ECT2: variants seen among roughly 807,000 people sequenced by gnomAD.
ECT2 encodes the protein epithelial cell transforming 2.
A neutral mutation model predicts 116.9 loss-of-function variants in ECT2; 61 were observed. That is an observed-to-expected ratio of 0.52 (90% CI 0.42 to 0.65). The LOEUF (loss-of-function observed/expected upper bound fraction) is 0.65. Among genes scored for constraint, ECT2 ranks in the 30% least tolerant of loss-of-function variants. The pLI is 0.00. For synonymous variants in ECT2, 358 were observed against 346.4 expected (o/e 1.03, Z -0.37); for missense variants, 937 against 1,078.7 (o/e 0.87, Z 1.84).
intron 14 of ECT2, among the ~76,000 whole-genome samples, chr3:172,781,263 A>G (rs1722646916): frequency 6.6e-6 from 1 of 152,332 alleles, no homozygotes; most frequent in Admixed American, 6.5e-5. Flanking sequence ...TGTCTGGCTT[A>G]ATAGAAGACT....
intron 14 of ECT2, among the ~76,000 whole-genome samples, chr3:172,780,423 C>T (rs1037825117): frequency 4.6e-5 from 7 of 152,062 alleles, no homozygotes; most frequent in Non-Finnish European, 1.0e-4. Flanking sequence ...GTGTGCAGAT[C>T]CATGTGGACA....
chr3:172,770,257 G>C (rs924255429), intron 13 of ECT2, among the ~76,000 whole-genome samples: 1 of 152,060 alleles, frequency 6.6e-6, no homozygotes, highest in African/African-American at 2.4e-5. Context: ...AATCCCTTTG[G>C]CATATACTAT....
At chr3:172,794,880 A>C (rs73175007) in intron 18 of ECT2, among the ~76,000 whole-genome samples, 4,033 of 151,542 alleles carry the variant, frequency 0.027, 86 homozygotes, top group Non-Finnish European at 0.041. Context: ...ACACCTGGCT[A>C]ATTTTTTTTT....
At chr3:172,813,542 C>T (rs141442237) in intron 22 of ECT2, among the ~76,000 whole-genome samples, 2,333 of 152,148 alleles carry the variant, frequency 0.015, 26 homozygotes, top group Non-Finnish European at 0.021. Flanking sequence ...TATACAAAGA[C>T]ATATACTTTC....
intron 22 of ECT2, among the ~76,000 whole-genome samples, chr3:172,814,477 T>A (rs1560028512): frequency 1.3e-5 from 2 of 152,148 alleles, no homozygotes; most frequent in Non-Finnish European, 2.9e-5. Context: ...AATTTGGCTA[T>A]TCATAGCCTA....
chr3:172,807,476 T>C (rs1261045391), intron 21 of ECT2, among the ~76,000 whole-genome samples: 1 of 152,208 alleles, frequency 6.6e-6, no homozygotes, highest in Non-Finnish European at 1.5e-5. Flanking sequence ...GCAACTTTTG[T>C]AACACTTAAT....
In ECT2 at chr3:172,784,809, T is replaced by C. The variant is rs771857513; in HGVS notation, c.1825+6T>C. 3 of 1,530,166 alleles carry C rather than the reference T, an allele frequency of 2.0e-6. No individual in the cohort carries two copies. The highest frequency in any genetic ancestry group is 2.4e-5 in the South Asian group (2 of 84,624). 94.8% of individuals were successfully genotyped at this position (1,530,166 alleles called of 1,614,324 possible). On this transcript the variant is annotated splice_donor_region_variant and intron_variant, in intron 17 of 24. Transcript: ENST00000392692. ...TGTTGCATTACTTTTAAATGGTACTTGTCTGATCTGTTTCAAACTACATCA... is the reference window on the plus strand; with the variant it reads ...TGTTGCATTACTTTTAAATGGTACTCGTCTGATCTGTTTCAAACTACATCA...
chr3:172,824,329 A>G (rs928629415), downstream of ECT2, among the ~76,000 whole-genome samples: 6 of 152,162 alleles, frequency 3.9e-5, no homozygotes, highest in Non-Finnish European at 7.4e-5. Flanking sequence ...GAAATTTACA[A>G]TCATGGCAGA....
At chr3:172,757,214 TGAA>T in intron 5 of ECT2, 49 bp downstream of exon 5, 3 of 1,325,316 alleles carry the variant, frequency 2.3e-6, no homozygotes, top group Non-Finnish European at 3.0e-6. Flanking sequence ...TTTTTATTAA[TGAA>T]TTTTAATTAG....
At chr3:172,765,841 A>G (rs1033186264) in intron 12 of ECT2, among the ~76,000 whole-genome samples, 1 of 152,078 alleles carries the variant, frequency 6.6e-6, no homozygotes, top group African/African-American at 2.4e-5. Flanking sequence ...CAGTCATACC[A>G]TCTTTGTTAT....
intron 18 of ECT2, among the ~76,000 whole-genome samples, chr3:172,797,115 C>T (rs534855535): frequency 1.1e-3 from 166 of 151,524 alleles, no homozygotes; most frequent in Non-Finnish European, 1.9e-3. Flanking sequence ...CTGCAACCTC[C>T]ACTTCCCAGG....
rs747553106 is a variant in ECT2, at chr3:172,754,526, A to G, written c.-5A>G. On this transcript the variant is annotated 5_prime_UTR_variant, in exon 2 of 25. Transcript: ENST00000392692. ...TTTTTCAGCTGATTTAGAAGAATAC[A>G]AATCATGGCTGAAAATAGTGTATTA... 2 of 1,590,006 alleles carry G rather than the reference A, an allele frequency of 1.3e-6. No individual in the cohort carries two copies. Among genetic ancestry groups the G allele is most frequent in the Non-Finnish European group, 1.7e-6 (2 of 1,171,508 alleles).
intron 18 of ECT2, among the ~76,000 whole-genome samples, chr3:172,794,845 G>T (rs1351963692): frequency 6.6e-6 from 1 of 151,998 alleles, no homozygotes; most frequent in South Asian, 2.1e-4. Flanking sequence ...CTCCCGAGTA[G>T]CTGGGACTAC....
chr3:172,815,726 A>T lies in ECT2; in HGVS notation c.2508+15A>T, dbSNP rs201379813. 21 of 1,482,932 alleles carry T rather than the reference A, an allele frequency of 1.4e-5. No homozygotes were observed. Among genetic ancestry groups the T allele is most frequent in the Admixed American group, 1.8e-5 (1 of 55,944 alleles). 91.9% of individuals were successfully genotyped at this position (1,482,932 alleles called of 1,614,324 possible). On this transcript the variant is annotated intron_variant, in intron 23 of 24. Coordinates refer to ENST00000392692, the MANE Select transcript of ECT2 (RefSeq NM_001258315.2). Reference sequence around the variant, plus strand: ...CTTCAAAAAAGGTGAGTTTTAGTGAAAGTATTATTTAGCACATCTCTAACA... The same window carrying T: ...CTTCAAAAAAGGTGAGTTTTAGTGATAGTATTATTTAGCACATCTCTAACA...
At chr3:172,819,875 C>G (rs1332179132) in intron 24 of ECT2, among the ~76,000 whole-genome samples, 1 of 152,088 alleles carries the variant, frequency 6.6e-6, no homozygotes, top group Non-Finnish European at 1.5e-5. Context: ...TTAGGTATCA[C>G]TACTAGCAAT....
At position 172,757,156 on chromosome 3, in the gene ECT2, A is replaced by G. The variant is rs1474821558; in HGVS notation, c.477A>G (p.Gln159=). The change falls in exon 5 of 25, where the codon CAA becomes CAG. Residue 159 remains glutamine, a synonymous_variant. Coordinates refer to ENST00000392692, the MANE Select transcript of ECT2 (RefSeq NM_001258315.2). ...IGPPVVLNCS[Q]KGEPLPFSCR... The stretch of plus-strand genomic sequence containing the variant: ...CACCAGTTGTATTAAATTGTTCACA[A>G]AAAGGAGAGGTAAGCATATACATTT... The G allele has an allele frequency of 1.3e-6, 2 of 1,499,504 alleles. No individual in the cohort carries two copies. Among genetic ancestry groups the G allele is most frequent in the Non-Finnish European group, 8.9e-7 (1 of 1,128,824 alleles). 92.9% of individuals were successfully genotyped at this position (1,499,504 alleles called of 1,614,324 possible).
chr3:172,787,412 C>G (rs1723803130), intron 18 of ECT2, among the ~76,000 whole-genome samples: 2 of 152,072 alleles, frequency 1.3e-5, no homozygotes, highest in Non-Finnish European at 2.9e-5. Flanking sequence ...GCTTTTGTTG[C>G]TGCTGAATGG....
intron 13 of ECT2, among the ~76,000 whole-genome samples, chr3:172,770,565 T>C (rs4894595): frequency 0.58 from 88,173 of 151,884 alleles, 26,346 homozygotes; most frequent in East Asian, 0.86. Flanking sequence ...GTCTCAAACT[T>C]CTGTGCTCAA....
chr3:172,786,468 T>G (rs763585414), intron 17 of ECT2, 25 bp from the exon 18 acceptor site: 64 of 1,507,950 alleles, frequency 4.2e-5, no homozygotes, highest in Non-Finnish European at 5.6e-5. Flanking sequence ...TTTTTATGCA[T>G]GGAAAAAACA....
Sources: allele counts gnomAD v4.1 joint callset (sites outside exome capture counted in the v4.1 genomes callset), GRCh38; gene constraint gnomAD v4.1.1; transcripts MANE v1.5; gene names NCBI Gene and HGNC (gene_info 2026-07-23, HGNC 2026-07-21).